Variants in KAT6A observed in about 807,000 individuals in gnomAD.
KAT6A encodes the protein lysine acetyltransferase 6A, also known as histone acetyltransferase KAT6A.
In KAT6A, 9 loss-of-function variants were observed where a neutral mutation model predicts 198.4. The ratio of observed to expected loss-of-function variants is 0.05; its 90% CI spans 0.03 to 0.08. The LOEUF is 0.08. KAT6A is among the 10% of genes least tolerant of loss of function. The probability of loss-of-function intolerance (pLI) is 1.00; values close to 1 mark genes in which losing one functional copy is unlikely to be tolerated. For synonymous variants in KAT6A, 890 were observed against 883.0 expected, an observed-to-expected ratio of 1.01 and a Z score of -0.14; for missense variants, 2,077 against 2,509.9, an observed-to-expected ratio of 0.83 and a Z score of 3.69.
Position 41,974,693 on chromosome 8 carries a change from T to C in KAT6A, c.1482+11A>G. 1 of 1,534,306 alleles carries C rather than the reference T, an allele frequency of 6.5e-7. No homozygotes were observed. The highest frequency in any genetic ancestry group is 9.0e-7 in the Non-Finnish European group (1 of 1,111,662). On this transcript the variant is annotated intron_variant, in intron 8 of 16. Transcript: ENST00000265713. ...GTTGCTTGATTGTCTAACCTGAATA[T>C]CCAACTTTACCTGCAGTGCTTGTTC...
At position 41,934,763 on chromosome 8, in the gene KAT6A, G is replaced by A; in HGVS notation, c.3457C>T (p.Pro1153Ser). 1 of 1,614,026 alleles carries A rather than the reference G, an allele frequency of 6.2e-7. No individual in the cohort carries two copies. Among genetic ancestry groups the A allele is most frequent in the African/African-American group, 1.3e-5 (1 of 74,980 alleles). ...ATTGGTTTGCGGCTCTTGCCTTTGG[G>A]CCATCCCTTTTTCTTTTTCAAAGGT... ...STPLKKKKGW[P>S]KGKSRKPIHW... Residue 1153 changes from proline (P) to serine (S), a missense_variant, in exon 17 of 17, where the codon CCC becomes TCC. By Grantham distance (74) the Pro-to-Ser change is moderately conservative. Around this residue, in one of 13 missense-constraint regions of KAT6A, gnomAD observed 375 missense variants for 383.0 expected, o/e 0.98. Transcript: ENST00000265713.
intron 2 of KAT6A, among the ~76,000 whole-genome samples, chr8:42,021,905 A>G (rs1378605078): frequency 6.6e-6 from 1 of 152,092 alleles, no homozygotes; most frequent in African/African-American, 2.4e-5. Context: ...TCTAACCTGA[A>G]CAGAGTAAGA....
intron 12 of KAT6A, among the ~76,000 whole-genome samples, chr8:41,945,565 C>T (rs1332370125): frequency 6.6e-5 from 10 of 152,006 alleles, no homozygotes; most frequent in Admixed American, 3.3e-4. Flanking sequence ...CCACCACACC[C>T]GGCCCACAGT....
chr8:41,930,040 T>C lies in KAT6A; in HGVS notation c.*2165A>G, dbSNP rs1015292157. On this transcript the variant is annotated 3_prime_UTR_variant, in exon 17 of 17. Transcript: ENST00000265713. Reference sequence around the variant, plus strand: ...TTACTGTGTTGGATAATTTCTTTTATAATATAGAAAAGAACTTTTTTTTTC... The same window carrying C: ...TTACTGTGTTGGATAATTTCTTTTACAATATAGAAAAGAACTTTTTTTTTC... 3 of 226,848 alleles carry C rather than the reference T, an allele frequency of 1.3e-5. No individual in the cohort carries two copies. The highest frequency in any genetic ancestry group is 1.3e-4 in the East Asian group (2 of 15,874). The allele number at this position is 226,848 out of a possible 1,614,324, so 14.1% of individuals were successfully genotyped here.
chr8:42,050,886 T>C (rs1263163747), intron 1 of KAT6A, among the ~76,000 whole-genome samples: 1 of 152,140 alleles, frequency 6.6e-6, no homozygotes, highest in Non-Finnish European at 1.5e-5. Context: ...GCCTCGGATC[T>C]TAACTCCCGG....
At chr8:42,034,171 G>C (rs1426448668) in intron 2 of KAT6A, among the ~76,000 whole-genome samples, 1 of 152,196 alleles carries the variant, frequency 6.6e-6, no homozygotes, top group Admixed American at 6.5e-5. Context: ...AAACAAGATA[G>C]ATCTGAGGAA....
Position 42,040,437 on chromosome 8 carries a change from A to G in KAT6A, c.600+7941T>C, listed in dbSNP as rs565065275. Among the ~76,000 whole-genome samples, 90 of 152,288 alleles carry G rather than the reference A, an allele frequency of 5.9e-4. 4 individuals carry two copies. The highest frequency in any genetic ancestry group is 3.3e-4 in the Admixed American group (5 of 15,290). On this transcript the variant is annotated intron_variant, in intron 2 of 16. Coordinates refer to ENST00000265713, the MANE Select transcript of KAT6A (RefSeq NM_006766.5). ...CTAGAAAAATGTCTAGGTTGTAAGCATAAGAAAAATTGGTGGCTGGGCATG... is the reference window on the plus strand; with the variant it reads ...CTAGAAAAATGTCTAGGTTGTAAGCGTAAGAAAAATTGGTGGCTGGGCATG...
intron 9 of KAT6A, among the ~76,000 whole-genome samples, chr8:41,953,889 C>T (rs887888207): frequency 6.6e-6 from 1 of 152,114 alleles, no homozygotes; most frequent in Non-Finnish European, 1.5e-5. Flanking sequence ...TATACATATA[C>T]AATACATACA....
intron 2 of KAT6A, among the ~76,000 whole-genome samples, chr8:42,002,284 C>A (rs1825533818): frequency 6.6e-6 from 1 of 152,198 alleles, no homozygotes. Flanking sequence ...ATTCTTCAAC[C>A]TGATGTACTG....
At chr8:41,990,589 G>C (rs183786715) in intron 2 of KAT6A, among the ~76,000 whole-genome samples, 2 of 152,244 alleles carry the variant, frequency 1.3e-5, no homozygotes, top group African/African-American at 4.8e-5. Context: ...AATAACACAT[G>C]AAAGGCCAAC....
At chr8:42,017,413 C>T (rs1349514247) in intron 2 of KAT6A, among the ~76,000 whole-genome samples, 1 of 152,088 alleles carries the variant, frequency 6.6e-6, no homozygotes, top group Non-Finnish European at 1.5e-5. Context: ...GTCATAGTAT[C>T]AGTATGCCTA....
intron 2 of KAT6A, among the ~76,000 whole-genome samples, chr8:42,018,325 C>T (rs781304950): frequency 6.6e-6 from 1 of 152,010 alleles, no homozygotes; most frequent in Non-Finnish European, 1.5e-5. Flanking sequence ...CACCTGTGGT[C>T]AGGAGTTCAA....
chr8:41,994,467 G>A (rs1341187559), intron 2 of KAT6A, among the ~76,000 whole-genome samples: 1 of 151,852 alleles, frequency 6.6e-6, no homozygotes, highest in East Asian at 1.9e-4. Flanking sequence ...CAGGCACAGG[G>A]CCTTTGCATT....
chr8:41,968,115 T>C (rs1316885887), intron 8 of KAT6A, among the ~76,000 whole-genome samples: 4 of 151,998 alleles, frequency 2.6e-5, no homozygotes, highest in African/African-American at 9.7e-5. Flanking sequence ...AAAGCCAAAA[T>C]TGACAAATGG....
intron 13 of KAT6A, 127 bp downstream of exon 13, chr8:41,943,619 GAT>G: frequency 1.6e-6 from 1 of 640,648 alleles, no homozygotes; most frequent in Non-Finnish European, 2.8e-6. Context: ...AAAGGAAAAT[GAT>G]ATCTCATTAT....
chr8:42,034,820 T>C (rs1827291155), intron 2 of KAT6A, among the ~76,000 whole-genome samples: 1 of 152,216 alleles, frequency 6.6e-6, no homozygotes, highest in Non-Finnish European at 1.5e-5. Context: ...ATTAACTCAT[T>C]AAATTCTCAC....
rs1449210855 is a variant in KAT6A at position 41,974,743 on chromosome 8, A to G, written c.1443T>C (p.Asp481=). Residue 481 remains aspartate (D), a synonymous_variant, in exon 8 of 17, where the codon GAT becomes GAC. Coordinates refer to ENST00000265713, the MANE Select transcript of KAT6A (RefSeq NM_006766.5). ...FGSQEIMTEK[D]MELFRDIQEQ... is the part of the protein sequence containing the mutation. ...CTTGGATATCACGAAATAATTCCAT[A>G]TCTTTCTCAGTCATGATTTCCTGGC... 1 of 1,610,334 alleles carries G rather than the reference A, an allele frequency of 6.2e-7. No homozygotes were observed. The highest frequency in any genetic ancestry group is 1.7e-5 in the Admixed American group (1 of 59,472).
At chr8:41,991,850 A>G (rs1321150755) in intron 2 of KAT6A, among the ~76,000 whole-genome samples, 1 of 152,148 alleles carries the variant, frequency 6.6e-6, no homozygotes, top group African/African-American at 2.4e-5. Context: ...AAAGACTGAG[A>G]GAAGCATACC....
rs1824328899 is a variant in KAT6A, at chr8:41,981,035, A to G, written c.826-108T>C. The G allele has an allele frequency of 1.3e-5, 11 of 817,922 alleles. No individual in the cohort carries two copies. In the Admixed American group the frequency reaches 1.9e-4, roughly 14 times the overall value. The allele number at this position is 817,922 out of a possible 1,614,324, so 50.7% of individuals were successfully genotyped here. On this transcript the variant is annotated intron_variant, in intron 4 of 16. Coordinates refer to ENST00000265713, the MANE Select transcript of KAT6A (RefSeq NM_006766.5). Reference sequence around the variant, plus strand: ...AGCTTCAGGGATCTTAAAAAAAGAGATAAGCCAGGCGCAATGGCTCACGCC... The same window carrying G: ...AGCTTCAGGGATCTTAAAAAAAGAGGTAAGCCAGGCGCAATGGCTCACGCC...
Sources: gnomAD v4.1 joint callset for allele counts (sites outside exome capture counted in the v4.1 genomes callset) on GRCh38, gnomAD v4.1.1 for gene constraint, gnomAD v4.1.1 regional missense constraint, MANE v1.5 for transcripts, NCBI Gene and HGNC (gene_info 2026-07-23, HGNC 2026-07-21) for gene names.